Variants in IL1RAPL2 observed in about 807,000 individuals in gnomAD.
The protein encoded by IL1RAPL2 is interleukin 1 receptor accessory protein like 2, also known as X-linked interleukin-1 receptor accessory protein-like 2.
IL1RAPL2 carries 3 observed loss-of-function variants against 44.1 expected under a neutral mutation model. That is an observed-to-expected ratio of 0.07 (90% CI 0.03 to 0.18). IL1RAPL2 has a LOEUF of 0.18. Among genes scored for constraint, IL1RAPL2 ranks in the 10% least tolerant of loss-of-function variants. The pLI is 1.00. For synonymous variants in IL1RAPL2, 181 were observed against 178.8 expected (o/e 1.01, Z -0.10); for missense variants, 391 against 496.4 (o/e 0.79, Z 2.02).
intron 4 of IL1RAPL2, among the ~76,000 whole-genome samples, chrX:105,246,339 G>C (rs996181225): frequency 6.3e-5 from 7 of 111,957 alleles, no homozygotes; most frequent in Non-Finnish European, 1.1e-4. Flanking sequence ...TAAACATCAA[G>C]GGTTTACTTT....
intron 9 of IL1RAPL2, among the ~76,000 whole-genome samples, chrX:105,749,852 T>G (rs763873365): frequency 8.9e-6 from 1 of 112,109 alleles, no homozygotes; most frequent in Non-Finnish European, 1.9e-5. Context: ...GGCATGTAGC[T>G]TCTTATACAT....
intron 2 of IL1RAPL2, among the ~76,000 whole-genome samples, chrX:104,887,872 A>G (rs1923295934): frequency 8.9e-6 from 1 of 111,860 alleles, no homozygotes; most frequent in African/African-American, 3.3e-5. Flanking sequence ...ATACTTGAAA[A>G]TAAGCCTCTT....
rs892472642 is a variant in IL1RAPL2, at chrX:105,275,524, A to T, written c.697+7983A>T. Among the ~76,000 whole-genome samples the T allele has an allele frequency of 1.8e-5, 2 of 112,245 alleles. 1 individual carries two copies. Among genetic ancestry groups the T allele is most frequent in the Non-Finnish European group, 3.8e-5 (2 of 53,264 alleles). ...AAGGGAATGGATTTGTTGACTAATTAATATCTACATCTATAAGTGCTGAGT... is the reference window on the plus strand; with the variant it reads ...AAGGGAATGGATTTGTTGACTAATTTATATCTACATCTATAAGTGCTGAGT... On this transcript the variant is annotated intron_variant, in intron 5 of 10. Coordinates refer to ENST00000372582, the MANE Select transcript of IL1RAPL2 (RefSeq NM_017416.2).
intron 1 of IL1RAPL2, among the ~76,000 whole-genome samples, chrX:104,627,313 T>C (rs1929530004): frequency 1.3e-5 from 1 of 79,478 alleles, no homozygotes; most frequent in South Asian, 8.1e-4. Flanking sequence ...AAGGGTAATA[T>C]CACACTCCGG....
intron 6 of IL1RAPL2, among the ~76,000 whole-genome samples, chrX:105,686,163 A>G (rs1237527739): frequency 9.0e-6 from 1 of 110,562 alleles, no homozygotes; most frequent in African/African-American, 3.3e-5. Flanking sequence ...CAAAATAACC[A>G]GCAAACATCA....
intron 5 of IL1RAPL2, among the ~76,000 whole-genome samples, chrX:105,464,069 A>G (rs2036112017): frequency 8.9e-6 from 1 of 112,104 alleles, no homozygotes; most frequent in Non-Finnish European, 1.9e-5. Flanking sequence ...TTCTCTCATA[A>G]TCTTCTGACA....
intron 2 of IL1RAPL2, among the ~76,000 whole-genome samples, chrX:105,001,085 G>A: frequency 9.0e-6 from 1 of 111,334 alleles, no homozygotes; most frequent in Non-Finnish European, 1.9e-5. Context: ...GCTTTGTACT[G>A]AAATTTAAGC....
intron 6 of IL1RAPL2, among the ~76,000 whole-genome samples, chrX:105,588,234 A>G (rs777458067): frequency 1.8e-5 from 2 of 111,021 alleles, no homozygotes; most frequent in South Asian, 7.7e-4. Flanking sequence ...AGATGTTACC[A>G]TGGGAGGAAA....
intron 2 of IL1RAPL2, among the ~76,000 whole-genome samples, chrX:104,979,989 C>A (rs887541108): frequency 8.9e-6 from 1 of 111,907 alleles, no homozygotes; most frequent in African/African-American, 3.2e-5. Context: ...AATCCTGCTA[C>A]AGATATACTT....
At chrX:105,661,043 C>T (rs1029054967) in intron 6 of IL1RAPL2, among the ~76,000 whole-genome samples, 6 of 110,623 alleles carry the variant, frequency 5.4e-5, no homozygotes, top group African/African-American at 2.0e-4. Context: ...ACAAGAAACA[C>T]ACTTTAGCTA....
chrX:105,059,841 A>G (rs1303225791), intron 2 of IL1RAPL2, among the ~76,000 whole-genome samples: 3 of 112,191 alleles, frequency 2.7e-5, no homozygotes, highest in African/African-American at 9.7e-5. Context: ...CATTTTCTTT[A>G]TATGTTTATT....
intron 2 of IL1RAPL2, among the ~76,000 whole-genome samples, chrX:104,712,419 G>A (rs1449280676): frequency 9.0e-6 from 1 of 110,500 alleles, no homozygotes; most frequent in Admixed American, 9.7e-5. Context: ...GACAGCTTGT[G>A]GTCCTCTGCA....
rs181495794 is a variant in IL1RAPL2, at chrX:105,752,483, C to A, written c.1193-2694C>A. 4.5e-5 allele frequency among the ~76,000 whole-genome samples: 5 copies of A among 112,092 alleles called. No individual in the cohort carries two copies. The East Asian group carries it at 1.4e-3, about 32-fold the overall frequency. On this transcript the variant is annotated intron_variant, in intron 9 of 10. Transcript: ENST00000372582. ...ATTAGGAACAGCATACCTATGGTAA[C>A]CACTGTGCCAGCCCTCTTCCTTACA... is the stretch of plus-strand genomic sequence containing the variant.
At chrX:104,763,852 A>G (rs891084311) in intron 2 of IL1RAPL2, among the ~76,000 whole-genome samples, 4 of 111,026 alleles carry the variant, frequency 3.6e-5, no homozygotes, top group Admixed American at 2.9e-4. Flanking sequence ...ACAATTCAAG[A>G]TGAGATTTGA....
At chrX:105,280,100 AACG>A (rs1276846686) in intron 5 of IL1RAPL2, among the ~76,000 whole-genome samples, 1 of 111,778 alleles carries the variant, frequency 8.9e-6, no homozygotes, top group Non-Finnish European at 1.9e-5. Flanking sequence ...AATGGAACAG[AACG>A]GTGGCCTCAG....
intron 2 of IL1RAPL2, among the ~76,000 whole-genome samples, chrX:105,029,215 TTTTTA>T (rs1372686615): frequency 2.8e-5 from 3 of 107,486 alleles, no homozygotes; most frequent in East Asian, 5.7e-4. Context: ...AGTTGAGGTC[TTTTTA>T]TTTTATTTTT....
chrX:105,067,207 GAC>G (rs988605062), intron 2 of IL1RAPL2, among the ~76,000 whole-genome samples: 9 of 111,312 alleles, frequency 8.1e-5, no homozygotes, highest in Admixed American at 1.9e-4. Flanking sequence ...TACCTGCAGA[GAC>G]ACACACACGC....
At chrX:105,210,484 G>C (rs1280589379) in intron 3 of IL1RAPL2, among the ~76,000 whole-genome samples, 1 of 110,282 alleles carries the variant, frequency 9.1e-6, no homozygotes, top group Non-Finnish European at 1.9e-5. Flanking sequence ...GAGATTTTTC[G>C]TTGTCACAAT....
At chrX:105,472,616 C>T (rs1418583028) in intron 5 of IL1RAPL2, among the ~76,000 whole-genome samples, 1 of 111,377 alleles carries the variant, frequency 9.0e-6, no homozygotes, top group Non-Finnish European at 1.9e-5. Context: ...TATATTTTTT[C>T]CTTGGAACTA....
Sources: allele counts gnomAD v4.1 joint callset (sites outside exome capture counted in the v4.1 genomes callset), GRCh38; gene constraint gnomAD v4.1.1; transcripts MANE v1.5; gene names NCBI Gene and HGNC (gene_info 2026-07-23, HGNC 2026-07-21).